SGCD: variants seen among roughly 807,000 people sequenced by gnomAD.
SGCD encodes the protein sarcoglycan delta, also known as delta-sarcoglycan.
In SGCD, 18 loss-of-function variants were observed where a neutral mutation model predicts 36.6. That is an observed-to-expected ratio of 0.49 (90% CI 0.34 to 0.73). The LOEUF is 0.73. SGCD is among the 30% of genes least tolerant of loss of function. The probability of loss-of-function intolerance (pLI) is 0.01; values close to 1 mark genes in which losing one functional copy is unlikely to be tolerated. For synonymous variants in SGCD, 133 were observed against 130.6 expected (o/e 1.02, Z -0.12); for missense variants, 387 against 346.7 (o/e 1.12, Z -0.92).
intron 3 of SGCD, among the ~76,000 whole-genome samples, chr5:156,239,659 T>C (rs1218533476): frequency 6.6e-6 from 1 of 152,192 alleles, no homozygotes; most frequent in Non-Finnish European, 1.5e-5. Context: ...AATTAGTTTG[T>C]GGCTATTCAG....
chr5:156,391,456 G>A (rs1258351076), intron 3 of SGCD, among the ~76,000 whole-genome samples: 2 of 152,162 alleles, frequency 1.3e-5, no homozygotes, highest in Non-Finnish European at 2.9e-5. Flanking sequence ...ATCAACCACA[G>A]ATAGAAAGTA....
intron 3 of SGCD, among the ~76,000 whole-genome samples, chr5:156,506,645 A>G (rs1183092797): frequency 6.6e-6 from 1 of 152,222 alleles, no homozygotes; most frequent in Non-Finnish European, 1.5e-5. Context: ...CCTTGACTGA[A>G]GTAGGGAAAT....
At chr5:156,606,506 T>G (rs1235057713) in intron 6 of SGCD, among the ~76,000 whole-genome samples, 1 of 152,208 alleles carries the variant, frequency 6.6e-6, no homozygotes, top group Non-Finnish European at 1.5e-5. Flanking sequence ...TTCTTTTAGC[T>G]TAGGATTGAC....
At chr5:156,610,342 A>G (rs1372539079) in intron 6 of SGCD, among the ~76,000 whole-genome samples, 2 of 152,158 alleles carry the variant, frequency 1.3e-5, no homozygotes, top group Admixed American at 6.5e-5. Flanking sequence ...TCAGCAGTGG[A>G]GGCTGCAGAA....
intron 3 of SGCD, among the ~76,000 whole-genome samples, chr5:156,451,460 C>T (rs1228812780): frequency 2.0e-5 from 3 of 152,074 alleles, no homozygotes; most frequent in Admixed American, 2.0e-4. Context: ...GATCTGTCTA[C>T]TCCAGATACC....
the SGCD span, among the ~76,000 whole-genome samples, chr5:155,750,363 C>T: frequency 6.6e-6 from 1 of 152,174 alleles, no homozygotes; most frequent in Non-Finnish European, 1.5e-5. Flanking sequence ...TGCATCTTGT[C>T]ATTCCATAGG....
intron 7 of SGCD, among the ~76,000 whole-genome samples, chr5:156,741,181 G>T (rs1269780581): frequency 1.3e-5 from 2 of 152,102 alleles, no homozygotes; most frequent in South Asian, 2.1e-4. Flanking sequence ...TGATCTAAAA[G>T]CTTGTCTAGG....
intron 7 of SGCD, among the ~76,000 whole-genome samples, chr5:156,678,937 A>G (rs1380641212): frequency 6.6e-6 from 1 of 152,176 alleles, no homozygotes; most frequent in Non-Finnish European, 1.5e-5. Flanking sequence ...TGGAATACCA[A>G]TGCCATGTTG....
intron 3 of SGCD, among the ~76,000 whole-genome samples, chr5:156,299,856 A>G (rs1473317300): frequency 1.3e-5 from 2 of 152,164 alleles, no homozygotes; most frequent in Non-Finnish European, 2.9e-5. Flanking sequence ...AGGTGTTTCC[A>G]AATGTAAGAT....
chr5:156,690,048 C>T (rs757329932), intron 7 of SGCD, among the ~76,000 whole-genome samples: 2 of 152,058 alleles, frequency 1.3e-5, no homozygotes, highest in Non-Finnish European at 1.5e-5. Flanking sequence ...CAAAATATGC[C>T]GTTGCTATTT....
chr5:156,562,862 C>T (rs144801846), intron 4 of SGCD, among the ~76,000 whole-genome samples: 12 of 151,066 alleles, frequency 7.9e-5, no homozygotes, highest in Non-Finnish European at 1.3e-4. Context: ...TTAAATATAA[C>T]TTAAATTATA....
intron 1 of SGCD, among the ~76,000 whole-genome samples, chr5:155,996,748 C>A (rs1758552665): frequency 6.9e-6 from 1 of 144,724 alleles, no homozygotes. Flanking sequence ...CATTGCACTC[C>A]AGCCTGTGTG....
chr5:155,973,613 G>T (rs1581020729), intron 1 of SGCD, among the ~76,000 whole-genome samples: 1 of 152,096 alleles, frequency 6.6e-6, no homozygotes, highest in Admixed American at 6.6e-5. Context: ...AAGTTAGTGG[G>T]GCCATATGAA....
the SGCD span, among the ~76,000 whole-genome samples, chr5:155,856,728 G>A: frequency 2.6e-5 from 4 of 152,086 alleles, no homozygotes; most frequent in Admixed American, 6.5e-5. Flanking sequence ...TATATGGAAA[G>A]CAAATAAGGA....
intron 4 of SGCD, among the ~76,000 whole-genome samples, chr5:156,545,902 A>G (rs1467078165): frequency 6.6e-6 from 1 of 152,212 alleles, no homozygotes; most frequent in African/African-American, 2.4e-5. Context: ...CCACAGCAAA[A>G]TCTGGCTTTA....
At chr5:155,757,231 C>A in the SGCD span, among the ~76,000 whole-genome samples, 1 of 152,238 alleles carries the variant, frequency 6.6e-6, no homozygotes, top group South Asian at 2.1e-4. Flanking sequence ...CTGGCAGGGA[C>A]CTCAAGGCTT....
chr5:156,549,688 A>C (rs1450694556), intron 4 of SGCD, among the ~76,000 whole-genome samples: 2 of 152,240 alleles, frequency 1.3e-5, no homozygotes, highest in Non-Finnish European at 2.9e-5. Flanking sequence ...CTCAGCATTC[A>C]ACTGCTGAAT....
chr5:156,655,900 A>G (rs776194916), intron 7 of SGCD, among the ~76,000 whole-genome samples: 5 of 152,094 alleles, frequency 3.3e-5, no homozygotes, highest in Non-Finnish European at 7.4e-5. Context: ...GAAATAGGCC[A>G]TTCAGTTTTG....
chr5:155,790,943 T>C, the SGCD span, among the ~76,000 whole-genome samples: 2 of 152,122 alleles, frequency 1.3e-5, no homozygotes, highest in African/African-American at 2.4e-5. Flanking sequence ...TGGACTTTAT[T>C]ACATGCTACA....
Sources: gnomAD v4.1 joint callset for allele counts (sites outside exome capture counted in the v4.1 genomes callset) on GRCh38, gnomAD v4.1.1 for gene constraint, MANE v1.5 for transcripts, NCBI Gene and HGNC (gene_info 2026-07-23, HGNC 2026-07-21) for gene names.